Variants in LRRC7 observed in about 807,000 individuals in gnomAD.
LRRC7 encodes leucine-rich repeat-containing protein 7.
LRRC7 carries 23 observed loss-of-function variants against 175.7 expected under a neutral mutation model. The ratio of observed to expected loss-of-function variants is 0.13; its 90% CI spans 0.09 to 0.19. The LOEUF (loss-of-function observed/expected upper bound fraction) is 0.19. Among genes scored for constraint, LRRC7 ranks in the 10% least tolerant of loss-of-function variants. LRRC7 has a pLI of 1.00. For missense variants in LRRC7, 1,354 were observed against 1,904.7 expected, an observed-to-expected ratio of 0.71 and a Z score of 5.38; for synonymous variants, 685 against 680.9, an observed-to-expected ratio of 1.01 and a Z score of -0.09.
intron 1 of LRRC7, among the ~76,000 whole-genome samples, chr1:69,601,306 A>G (rs982446170): frequency 6.6e-6 from 1 of 152,196 alleles, no homozygotes; most frequent in Non-Finnish European, 1.5e-5. Context: ...TGTCTGTATC[A>G]GCCAAACATG....
At chr1:69,974,176 TTCATACATAAAAATA>T (rs1652574275) in intron 8 of LRRC7, among the ~76,000 whole-genome samples, 1 of 152,206 alleles carries the variant, frequency 6.6e-6, no homozygotes. Context: ...TTCATCTTAT[TTCATACATAAAAATA>T]TAGATAATTC....
At chr1:70,059,474 A>AGTGTGT (rs10542055) in intron 23 of LRRC7, among the ~76,000 whole-genome samples, 3,102 of 132,224 alleles carry the variant, frequency 0.023, 53 homozygotes, top group East Asian at 0.051. Context: ...ACTAGAAGAA[A>AGTGTGT]GTGTGTGTGT....
At chr1:69,766,640 T>C (rs949991826) in intron 3 of LRRC7, among the ~76,000 whole-genome samples, 1 of 152,210 alleles carries the variant, frequency 6.6e-6, no homozygotes, top group African/African-American at 2.4e-5. Context: ...ATGCTGCTTT[T>C]ACCTCAGCAT....
chr1:69,571,122 G>T (rs527497466), intron 1 of LRRC7, among the ~76,000 whole-genome samples: 48 of 152,282 alleles, frequency 3.2e-4, no homozygotes, highest in Middle Eastern at 6.8e-3. Context: ...TATGAGGTGA[G>T]AGTTCTTTAT....
intron 1 of LRRC7, among the ~76,000 whole-genome samples, chr1:69,609,010 A>C (rs1648260686): frequency 6.6e-6 from 1 of 150,888 alleles, no homozygotes; most frequent in Non-Finnish European, 1.5e-5. Context: ...ATTTTATAAA[A>C]TTGGCATTTC....
intron 4 of LRRC7, among the ~76,000 whole-genome samples, chr1:69,818,061 G>C (rs6699837): frequency 0.64 from 97,512 of 151,972 alleles, 31,507 homozygotes; most frequent in East Asian, 0.78. Flanking sequence ...CATCCACAAA[G>C]AGGGACCATT....
chr1:69,778,982 A>G (rs1026009474), intron 3 of LRRC7, among the ~76,000 whole-genome samples: 4 of 150,316 alleles, frequency 2.7e-5, no homozygotes, highest in African/African-American at 9.8e-5. Flanking sequence ...ATATACACAC[A>G]CACTCATATA....
At chr1:69,807,936 A>G (rs374695899) in intron 4 of LRRC7, among the ~76,000 whole-genome samples, 2 of 152,052 alleles carry the variant, frequency 1.3e-5, no homozygotes, top group East Asian at 3.9e-4. Flanking sequence ...AGGTACACCA[A>G]TCAAATGAAG....
intron 4 of LRRC7, among the ~76,000 whole-genome samples, chr1:69,814,544 T>G (rs1025504329): frequency 6.6e-6 from 1 of 152,154 alleles, no homozygotes; most frequent in African/African-American, 2.4e-5. Context: ...AAATGACTAA[T>G]TCTTTCAAAT....
intron 7 of LRRC7, among the ~76,000 whole-genome samples, chr1:69,863,614 G>A (rs1334394547): frequency 6.6e-6 from 1 of 152,174 alleles, no homozygotes; most frequent in Non-Finnish European, 1.5e-5. Context: ...TCCTCATGTA[G>A]CTTACATTTA....
In LRRC7 at chr1:69,781,118, G is replaced by C. The variant is rs77207599; in HGVS notation, c.304-10925G>C. On this transcript the variant is annotated intron_variant, in intron 3 of 26. Transcript: ENST00000651989. ...TTAATAAAATGCTAATCCAAATTATGATTTTTGCATTTATTTGGCACTTTG... is the reference window on the plus strand; with the variant it reads ...TTAATAAAATGCTAATCCAAATTATCATTTTTGCATTTATTTGGCACTTTG... Among the ~76,000 whole-genome samples, 1,158 of 152,186 alleles carry C rather than the reference G, an allele frequency of 7.6e-3. 13 individuals carry two copies. The highest frequency in any genetic ancestry group is 0.027 in the African/African-American group (1,109 of 41,526).
intron 8 of LRRC7, among the ~76,000 whole-genome samples, chr1:69,945,810 A>G (rs532119664): frequency 6.6e-6 from 1 of 150,904 alleles, no homozygotes; most frequent in Non-Finnish European, 1.5e-5. Context: ...CTGTATAAAA[A>G]CTCTATTAAT....
At chr1:69,704,322 A>G (rs1043399247) in intron 2 of LRRC7, among the ~76,000 whole-genome samples, 1 of 152,034 alleles carries the variant, frequency 6.6e-6, no homozygotes, top group Non-Finnish European at 1.5e-5. Flanking sequence ...TCATTAGTTC[A>G]GTAGGCAGTT....
intron 6 of LRRC7, among the ~76,000 whole-genome samples, chr1:69,836,311 C>T (rs1681098607): frequency 6.6e-6 from 1 of 152,014 alleles, no homozygotes; most frequent in South Asian, 2.1e-4. Context: ...ATCCAAAGAG[C>T]ACTGTTTGGC....
At chr1:69,830,008 C>G (rs1024495641) in intron 5 of LRRC7, among the ~76,000 whole-genome samples, 1 of 151,664 alleles carries the variant, frequency 6.6e-6, no homozygotes. Context: ...TATTGAGAAC[C>G]TATGTCTTAA....
chr1:69,751,654 A>G (rs1669859789), intron 2 of LRRC7, among the ~76,000 whole-genome samples: 1 of 152,108 alleles, frequency 6.6e-6, no homozygotes, highest in African/African-American at 2.4e-5. Flanking sequence ...GCATCTCATT[A>G]AGCCGTTAGA....
chr1:69,909,839 TCTC>T (rs1411874069), intron 7 of LRRC7, among the ~76,000 whole-genome samples: 1 of 152,182 alleles, frequency 6.6e-6, no homozygotes, highest in Non-Finnish European at 1.5e-5. Context: ...TTGGGGATGT[TCTC>T]CTGGATAATA....
At chr1:69,706,573 A>T (rs915736628) in intron 2 of LRRC7, among the ~76,000 whole-genome samples, 1 of 152,140 alleles carries the variant, frequency 6.6e-6, no homozygotes, top group Non-Finnish European at 1.5e-5. Context: ...CCTATAATGT[A>T]TTTGTGTACT....
chr1:70,008,873 G>A (rs757212922), intron 11 of LRRC7, among the ~76,000 whole-genome samples: 1 of 152,158 alleles, frequency 6.6e-6, no homozygotes, highest in Admixed American at 6.5e-5. Flanking sequence ...AGGAAGTGAC[G>A]TGACCGGTCA....
Sources: allele counts gnomAD v4.1 joint callset (sites outside exome capture counted in the v4.1 genomes callset), GRCh38; gene constraint gnomAD v4.1.1; transcripts MANE v1.5; gene names NCBI Gene and HGNC (gene_info 2026-07-23, HGNC 2026-07-21).